The following CGNL1 variants were observed in gnomAD, a reference collection of about 807,000 sequenced individuals.
CGNL1 encodes the protein cingulin-like protein 1.
A neutral mutation model predicts 141.2 loss-of-function variants in CGNL1; 132 were observed. The ratio of observed to expected loss-of-function variants is 0.93; its 90% CI spans 0.81 to 1.08. CGNL1 has a LOEUF of 1.08. Among genes scored for constraint, CGNL1 ranks in the 50% least tolerant of loss-of-function variants. The pLI is 0.00. For synonymous variants in CGNL1, 690 were observed against 622.1 expected (o/e 1.11, Z -1.63); for missense variants, 1,870 against 1,588.6 (o/e 1.18, Z -3.01).
rs1360363054 is a variant in CGNL1 at position 57,518,446 on chromosome 15, A to G, written c.2664A>G (p.Lys888=). 6.2e-7 allele frequency: 1 copy of G among 1,613,240 alleles called. No homozygotes were observed. The highest frequency in any genetic ancestry group is 8.5e-7 in the Non-Finnish European group (1 of 1,179,648). The change falls in exon 10 of 19, where the codon AAA becomes AAG. Residue 888 remains lysine (K), a synonymous_variant. Coordinates refer to ENST00000281282, the MANE Select transcript of CGNL1 (RefSeq NM_032866.5). Reference sequence around the variant, plus strand: ...TTGTGCACGCCAGAAAGGAAGAAAAAGAAGCTGTGTCAGCCAGAAGGGCCC... The same window carrying G: ...TTGTGCACGCCAGAAAGGAAGAAAAGGAAGCTGTGTCAGCCAGAAGGGCCC... ...EALVHARKEE[K]EAVSARRALE...
chr15:57,428,160 C>T (rs2063000588), intron 1 of CGNL1, among the ~76,000 whole-genome samples: 2 of 152,210 alleles, frequency 1.3e-5, no homozygotes, highest in African/African-American at 4.8e-5. Context: ...GAGAGCTTGT[C>T]TTGGTGGCAC....
chr15:57,457,955 T>C (rs547321309), intron 7 of CGNL1, among the ~76,000 whole-genome samples: 13 of 152,132 alleles, frequency 8.5e-5, no homozygotes, highest in Admixed American at 2.6e-4. Flanking sequence ...GTACTGACCA[T>C]AGTGAAGGGA....
At chr15:57,404,359 A>G (rs1252040261) in intron 1 of CGNL1, among the ~76,000 whole-genome samples, 2 of 152,210 alleles carry the variant, frequency 1.3e-5, no homozygotes, top group Non-Finnish European at 2.9e-5. Context: ...AGTTTTTAAA[A>G]TGTTTTATAG....
At chr15:57,503,948 C>T (rs1716061611) in intron 8 of CGNL1, among the ~76,000 whole-genome samples, 2 of 152,038 alleles carry the variant, frequency 1.3e-5, no homozygotes, top group Non-Finnish European at 2.9e-5. Context: ...GGGACACAGC[C>T]AAATCATATC....
In CGNL1 at chr15:57,461,715, G is replaced by T; in HGVS notation, c.2226G>T (p.Leu742=). 1 of 1,614,118 alleles carries T rather than the reference G, an allele frequency of 6.2e-7. No homozygotes were observed. The highest frequency in any genetic ancestry group is 8.5e-7 in the Non-Finnish European group (1 of 1,179,990). ...AGGCAAAACAGGATCTTCAAGATCT[G>T]CTGATTGCCAAAGAGGAGCAAGAAG... ...LLQAKQDLQD[L]LIAKEEQEDL... The change falls in exon 8 of 19, where the codon CTG becomes CTT. Residue 742 remains leucine, a synonymous_variant. Transcript: ENST00000281282.
intron 6 of CGNL1, among the ~76,000 whole-genome samples, chr15:57,453,364 C>G (rs2063342771): frequency 6.6e-6 from 1 of 152,152 alleles, no homozygotes; most frequent in Admixed American, 6.5e-5. Context: ...GGAAATTTTT[C>G]TGTTTCATTT....
intron 8 of CGNL1, among the ~76,000 whole-genome samples, chr15:57,470,256 C>CGTTTTTTTT (rs2063563834): frequency 1.8e-5 from 2 of 113,996 alleles, no homozygotes; most frequent in African/African-American, 6.9e-5. Context: ...TTTTGTCTCT[C>CGTTTTTTTT]TTTTTTTTTT....
chr15:57,411,121 T>G (rs542833930), intron 1 of CGNL1, among the ~76,000 whole-genome samples: 1 of 152,350 alleles, frequency 6.6e-6, no homozygotes, highest in Non-Finnish European at 1.5e-5. Flanking sequence ...AAAATATGAC[T>G]AAAGAGTGTC....
chr15:57,439,254 C>A lies in CGNL1; in HGVS notation c.1255C>A (p.Leu419Ile). Residue 419 changes from leucine to isoleucine, a missense_variant, in exon 2 of 19, where the codon CTC (leucine) becomes ATC (isoleucine). Physicochemically the swap from Leu to Ile is conservative, Grantham distance 5. Coordinates refer to ENST00000281282, the MANE Select transcript of CGNL1 (RefSeq NM_032866.5). ...CTTGGGCAAGTCAAGCGAACACCTC[C>A]TCCGGCCTTCCCAGGTGTGCCCGCA... ...RNLGKSSEHL[L>I]RPSQVCPQRP... The A allele has an allele frequency of 6.2e-7, 1 of 1,614,114 alleles. No individual in the cohort carries two copies. Among genetic ancestry groups the A allele is most frequent in the Non-Finnish European group, 8.5e-7 (1 of 1,180,040 alleles).
intron 1 of CGNL1, among the ~76,000 whole-genome samples, chr15:57,405,358 C>T (rs911075539): frequency 6.6e-6 from 1 of 152,214 alleles, no homozygotes; most frequent in African/African-American, 2.4e-5. Flanking sequence ...TGTCTGATTT[C>T]TCCCATCACT....
At chr15:57,383,365 C>G (rs2062446359) in intron 1 of CGNL1, among the ~76,000 whole-genome samples, 1 of 146,986 alleles carries the variant, frequency 6.8e-6, no homozygotes, top group Admixed American at 6.8e-5. Flanking sequence ...ATGGCACAAT[C>G]TCAGCTCACC....
At chr15:57,434,419 A>C (rs1429587819) in intron 1 of CGNL1, among the ~76,000 whole-genome samples, 1 of 152,218 alleles carries the variant, frequency 6.6e-6, no homozygotes, top group South Asian at 2.1e-4. Context: ...AGAAACCAAG[A>C]ACAAAATAAA....
intron 7 of CGNL1, among the ~76,000 whole-genome samples, chr15:57,457,231 G>A (rs2063390775): frequency 6.6e-6 from 1 of 152,192 alleles, no homozygotes; most frequent in Non-Finnish European, 1.5e-5. Flanking sequence ...GATGTGGCAC[G>A]CTCATGCACA....
chr15:57,473,838 A>T (rs547897360), intron 8 of CGNL1, among the ~76,000 whole-genome samples: 2 of 150,332 alleles, frequency 1.3e-5, no homozygotes, highest in Admixed American at 6.6e-5. Context: ...CTGCAGCCTC[A>T]TCAGAAACCC....
intron 8 of CGNL1, among the ~76,000 whole-genome samples, chr15:57,464,149 A>G (rs1333390265): frequency 6.6e-6 from 1 of 151,634 alleles, no homozygotes; most frequent in Admixed American, 6.6e-5. Flanking sequence ...TGAGTAAAGC[A>G]CTGAGTCTGT....
chr15:57,525,981 C>T (rs2031586946), intron 12 of CGNL1, among the ~76,000 whole-genome samples: 1 of 152,108 alleles, frequency 6.6e-6, no homozygotes, highest in East Asian at 1.9e-4. Flanking sequence ...TCTGATTTGA[C>T]TTCAGAAGAT....
intron 1 of CGNL1, among the ~76,000 whole-genome samples, chr15:57,390,235 A>G (rs2062527637): frequency 6.6e-6 from 1 of 152,336 alleles, no homozygotes; most frequent in South Asian, 2.1e-4. Flanking sequence ...CCAGGCTTCC[A>G]TCTGGGTTGA....
chr15:57,539,487 C>T (rs1229576418), intron 14 of CGNL1, among the ~76,000 whole-genome samples: 9 of 152,182 alleles, frequency 5.9e-5, no homozygotes, highest in African/African-American at 2.2e-4. Flanking sequence ...TAGGTGTGGG[C>T]ATTTCTTGCA....
chr15:57,414,880 C>T (rs1225436377), intron 1 of CGNL1, among the ~76,000 whole-genome samples: 2 of 152,154 alleles, frequency 1.3e-5, no homozygotes, highest in East Asian at 1.9e-4. Flanking sequence ...ATTGCATTGT[C>T]TATGTTTCCG....
Sources: allele counts gnomAD v4.1 joint callset (sites outside exome capture counted in the v4.1 genomes callset), GRCh38; gene constraint gnomAD v4.1.1; transcripts MANE v1.5; gene names NCBI Gene and HGNC (gene_info 2026-07-23, HGNC 2026-07-21).